NKAIN3: variants seen among roughly 807,000 people sequenced by gnomAD.
The protein encoded by NKAIN3 is sodium/potassium-transporting ATPase subunit beta-1-interacting protein 3.
Under a neutral mutation model 30.2 loss-of-function variants are expected in NKAIN3, and 25 were observed. The observed-to-expected ratio is 0.83, with a 90% CI of 0.60 to 1.16. The LOEUF (loss-of-function observed/expected upper bound fraction) is 1.16, where lower values mean the gene tolerates loss of function less well. Ranked by LOEUF, NKAIN3 falls within the 50% of genes most tolerant of loss-of-function variation. NKAIN3 has a pLI of 0.00. For missense variants in NKAIN3, 225 were observed against 254.1 expected (o/e 0.89, Z 0.78); for synonymous variants, 91 against 89.6 (o/e 1.02, Z -0.09).
chr8:62,319,465 A>G (rs1814792217), intron 1 of NKAIN3, among the ~76,000 whole-genome samples: 1 of 151,864 alleles, frequency 6.6e-6, no homozygotes, highest in Non-Finnish European at 1.5e-5. Flanking sequence ...TCTTGTGGGC[A>G]TTTAGTGCTA....
At chr8:62,330,342 G>A (rs1467472641) in intron 1 of NKAIN3, among the ~76,000 whole-genome samples, 3 of 151,998 alleles carry the variant, frequency 2.0e-5, no homozygotes, top group Non-Finnish European at 4.4e-5. Flanking sequence ...GTATAAGCCA[G>A]GGTACGTAGG....
intron 5 of NKAIN3, among the ~76,000 whole-genome samples, chr8:62,942,915 C>G (rs1585604487): frequency 6.6e-6 from 1 of 152,052 alleles, no homozygotes; most frequent in Non-Finnish European, 1.5e-5. Context: ...AATCCAAGAC[C>G]TGAAACCATA....
At chr8:62,276,675 T>C (rs931269920) in intron 1 of NKAIN3, among the ~76,000 whole-genome samples, 1 of 152,158 alleles carries the variant, frequency 6.6e-6, no homozygotes, top group East Asian at 1.9e-4. Context: ...TTTTTCAAGA[T>C]AGAAAAAAGT....
chr8:62,385,852 T>C (rs1817410816), intron 1 of NKAIN3, among the ~76,000 whole-genome samples: 2 of 152,214 alleles, frequency 1.3e-5, no homozygotes, highest in South Asian at 2.1e-4. Flanking sequence ...CATAGGTTAC[T>C]GTGTGCATCA....
intron 1 of NKAIN3, among the ~76,000 whole-genome samples, chr8:62,292,988 G>A (rs539489337): frequency 3.2e-4 from 49 of 151,494 alleles, no homozygotes; most frequent in African/African-American, 9.7e-4. Flanking sequence ...TTTGATCTTC[G>A]GTCATTGATA....
rs926146665 is a variant in NKAIN3, at chr8:62,938,695, A to G, written c.533-15207A>G. Among the ~76,000 whole-genome samples, 15 of 152,204 alleles carry G rather than the reference A, an allele frequency of 9.9e-5. 1 individual carries two copies. The highest frequency in any genetic ancestry group is 1.5e-5 in the Non-Finnish European group (1 of 68,038). On this transcript the variant is annotated intron_variant, in intron 5 of 6. Coordinates refer to ENST00000623646, the MANE Select transcript of NKAIN3 (RefSeq NM_001304533.3). ...CTTAGGAAGCCCCACCCCTACGGGA[A>G]GAGGGGAGAGCACCACATCAAGGCA...
intron 1 of NKAIN3, among the ~76,000 whole-genome samples, chr8:62,386,924 A>AGAGT (rs1817442236): frequency 6.6e-6 from 1 of 151,916 alleles, no homozygotes; most frequent in South Asian, 2.1e-4. Flanking sequence ...TGAGAGAGAG[A>AGAGT]GAGAGAGAGA....
At chr8:62,943,395 G>A (rs950699747) in intron 5 of NKAIN3, among the ~76,000 whole-genome samples, 1 of 152,120 alleles carries the variant, frequency 6.6e-6, no homozygotes, top group Non-Finnish European at 1.5e-5. Context: ...AAGAATAGAT[G>A]TTGGCATGGA....
chr8:62,996,391 C>A (rs1804114672), intron 5 of NKAIN3, among the ~76,000 whole-genome samples: 1 of 152,266 alleles, frequency 6.6e-6, no homozygotes, highest in South Asian at 2.1e-4. Flanking sequence ...CAATCACCTC[C>A]CATCGGGTCC....
At chr8:62,491,891 CAAAAGAAGAGATGA>C (rs1807077425) in intron 1 of NKAIN3, among the ~76,000 whole-genome samples, 1 of 151,898 alleles carries the variant, frequency 6.6e-6, no homozygotes, top group African/African-American at 2.4e-5. Context: ...ATAAAGACAC[CAAAAGAAGAGATGA>C]AAAAATGTGA....
chr8:62,478,795 T>C (rs1806604022), intron 1 of NKAIN3, among the ~76,000 whole-genome samples: 1 of 152,166 alleles, frequency 6.6e-6, no homozygotes, highest in Non-Finnish European at 1.5e-5. Context: ...CCCGTATTTT[T>C]CTAAAACTTC....
chr8:62,849,829 C>T (rs1329030215), intron 4 of NKAIN3, among the ~76,000 whole-genome samples: 2 of 151,940 alleles, frequency 1.3e-5, no homozygotes, highest in African/African-American at 2.4e-5. Flanking sequence ...GTATATGTGC[C>T]ACATTTTCTT....
At chr8:62,888,487 T>C (rs1821211125) in intron 4 of NKAIN3, among the ~76,000 whole-genome samples, 1 of 152,180 alleles carries the variant, frequency 6.6e-6, no homozygotes, top group Non-Finnish European at 1.5e-5. Context: ...CCGGTTTAGG[T>C]TTCTGTTCCA....
intron 3 of NKAIN3, among the ~76,000 whole-genome samples, chr8:62,666,488 G>T (rs1396744832): frequency 6.6e-6 from 1 of 152,104 alleles, no homozygotes; most frequent in Non-Finnish European, 1.5e-5. Flanking sequence ...ATTGGGCAGT[G>T]CATTTATGAA....
chr8:62,694,063 A>G (rs1814073742), intron 3 of NKAIN3, among the ~76,000 whole-genome samples: 2 of 152,218 alleles, frequency 1.3e-5, no homozygotes, highest in Admixed American at 6.5e-5. Flanking sequence ...ATTACTTCAC[A>G]TATTTGCTTT....
At chr8:62,420,448 T>C (rs1225319553) in intron 1 of NKAIN3, among the ~76,000 whole-genome samples, 1 of 152,202 alleles carries the variant, frequency 6.6e-6, no homozygotes, top group Non-Finnish European at 1.5e-5. Flanking sequence ...CATTTTTAAG[T>C]ATCAGAATAA....
At chr8:62,542,520 A>G (rs1808876112) in intron 1 of NKAIN3, among the ~76,000 whole-genome samples, 1 of 152,218 alleles carries the variant, frequency 6.6e-6, no homozygotes, top group African/African-American at 2.4e-5. Flanking sequence ...ATGAATCTAG[A>G]AAGGGTAAGC....
Position 62,742,722 on chromosome 8 carries a change from A to C in NKAIN3, c.274-4210A>C, listed in dbSNP as rs576524203. On this transcript the variant is annotated intron_variant, in intron 3 of 6. Coordinates refer to ENST00000623646, the MANE Select transcript of NKAIN3 (RefSeq NM_001304533.3). ...AAATGGCATTTGAACTACTGACATT[A>C]TTTTTAAGATTAATTCATTGATTTA... Among the ~76,000 whole-genome samples, 3 of 152,288 alleles carry C rather than the reference A, an allele frequency of 2.0e-5. No individual in the cohort carries two copies. The East Asian group carries it at 5.8e-4, about 29-fold the overall frequency.
chr8:62,871,422 A>T (rs1820642468), intron 4 of NKAIN3, among the ~76,000 whole-genome samples: 1 of 151,472 alleles, frequency 6.6e-6, no homozygotes, highest in African/African-American at 2.4e-5. Flanking sequence ...AAAAAAACAA[A>T]AACAAACAAA....
Sources: gnomAD v4.1 joint callset for allele counts (sites outside exome capture counted in the v4.1 genomes callset) on GRCh38, gnomAD v4.1.1 for gene constraint, MANE v1.5 for transcripts, NCBI Gene and HGNC (gene_info 2026-07-23, HGNC 2026-07-21) for gene names.